Variants in GNAO1 observed in about 807,000 individuals in gnomAD.
GNAO1 encodes G protein subunit alpha o1.
For synonymous variants in GNAO1, 164 were observed against 180.7 expected, an observed-to-expected ratio of 0.91 and a Z score of 0.74; for missense variants, 166 against 478.7, an observed-to-expected ratio of 0.35 and a Z score of 6.10.
chr16:56,300,401 C>T (rs778628309), intron 3 of GNAO1, among the ~76,000 whole-genome samples: 1 of 152,212 alleles, frequency 6.6e-6, no homozygotes, highest in Non-Finnish European at 1.5e-5. Flanking sequence ...TGCAGCTCAC[C>T]ACGGCCAACT....
intron 3 of GNAO1, among the ~76,000 whole-genome samples, chr16:56,316,899 A>T (rs1052797863): frequency 6.6e-6 from 1 of 151,740 alleles, no homozygotes; most frequent in Non-Finnish European, 1.5e-5. Flanking sequence ...GGGAAACTGC[A>T]CCAGCCACTG....
At chr16:56,299,392 C>G (rs1268151735) in intron 3 of GNAO1, among the ~76,000 whole-genome samples, 1 of 152,236 alleles carries the variant, frequency 6.6e-6, no homozygotes, top group Non-Finnish European at 1.5e-5. Context: ...GCGTCTAACT[C>G]TCTCAAATAA....
intron 3 of GNAO1, among the ~76,000 whole-genome samples, chr16:56,293,902 A>T (rs547415563): frequency 6.6e-6 from 1 of 152,252 alleles, no homozygotes; most frequent in Admixed American, 6.5e-5. Flanking sequence ...AACATAGGGT[A>T]TAGGAAGGTT....
At chr16:56,195,345 C>G (rs1157360546) in intron 2 of GNAO1, among the ~76,000 whole-genome samples, 8 of 152,178 alleles carry the variant, frequency 5.3e-5, no homozygotes, top group Non-Finnish European at 1.0e-4. Flanking sequence ...TACATCAGAT[C>G]AGGGCCTTGT....
chr16:56,280,403 A>T (rs2037103163), intron 3 of GNAO1, among the ~76,000 whole-genome samples: 1 of 152,216 alleles, frequency 6.6e-6, no homozygotes, highest in African/African-American at 2.4e-5. Context: ...TCTGAGCAAG[A>T]TGTGGGAAAA....
Position 56,351,579 on chromosome 16 carries a change from G to A in GNAO1, c.877+42G>A. The A allele has an allele frequency of 1.3e-6, 2 of 1,536,940 alleles. No individual in the cohort carries two copies. Among genetic ancestry groups the A allele is most frequent in the East Asian group, 2.2e-5 (1 of 44,476 alleles). ...CCTGTGCAGGGGGAAGCCTGCCCCTGACAGGGACCCATGGCTCAGAGAACA... is the reference window on the plus strand; with the variant it reads ...CCTGTGCAGGGGGAAGCCTGCCCCTAACAGGGACCCATGGCTCAGAGAACA... On this transcript the variant is annotated intron_variant, in intron 7 of 8. Coordinates refer to ENST00000262493, the MANE Select transcript of GNAO1 (RefSeq NM_020988.3). The surrounding 1 kb of genome is among the most constrained non-coding windows in gnomAD (Gnocchi z 6.1).
chr16:56,214,681 C>T (rs1461856001), intron 2 of GNAO1, among the ~76,000 whole-genome samples: 1 of 152,236 alleles, frequency 6.6e-6, no homozygotes, highest in East Asian at 1.9e-4. Context: ...GGGTTCCCAT[C>T]TCTTAGGGAT....
chr16:56,290,832 T>C (rs1371304349), intron 3 of GNAO1, among the ~76,000 whole-genome samples: 1 of 152,116 alleles, frequency 6.6e-6, no homozygotes, highest in African/African-American at 2.4e-5. Flanking sequence ...TGGCAACCAC[T>C]AATCTGCTCT....
chr16:56,233,165 A>G (rs577099214), intron 2 of GNAO1, among the ~76,000 whole-genome samples: 1 of 152,218 alleles, frequency 6.6e-6, no homozygotes, highest in African/African-American at 2.4e-5. Context: ...TTTGAGGATT[A>G]TATGAGATCT....
chr16:56,245,989 C>T (rs2036740582), intron 2 of GNAO1, among the ~76,000 whole-genome samples: 1 of 152,166 alleles, frequency 6.6e-6, no homozygotes, highest in Non-Finnish European at 1.5e-5. Flanking sequence ...GAGCCCACAC[C>T]CATAATTACT....
intron 6 of GNAO1, chr16:56,347,771 C>T (rs2037886077): frequency 2.4e-6 from 2 of 847,642 alleles, no homozygotes; most frequent in African/African-American, 3.8e-5. Context: ...CCCCACCCCT[C>T]CCCTCCCTTT....
intron 4 of GNAO1, among the ~76,000 whole-genome samples, chr16:56,333,774 G>A (rs2037714581): frequency 6.6e-6 from 1 of 152,264 alleles, no homozygotes; most frequent in South Asian, 2.1e-4. Context: ...GATGCAGCCT[G>A]GGACCCCACA....
At chr16:56,309,798 G>GT (rs56004332) in intron 3 of GNAO1, among the ~76,000 whole-genome samples, 55,115 of 152,162 alleles carry the variant, frequency 0.36, 11,537 homozygotes, top group Non-Finnish European at 0.48. Flanking sequence ...AGTGCCTGCT[G>GT]TGCTGGGTGC....
intron 3 of GNAO1, among the ~76,000 whole-genome samples, chr16:56,327,846 TG>T (rs1596867145): frequency 6.6e-6 from 1 of 152,210 alleles, no homozygotes; most frequent in East Asian, 1.9e-4. Flanking sequence ...GCTCATTACC[TG>T]TCCTTTCCCA....
At position 56,192,352 on chromosome 16, in the gene GNAO1, C is replaced by T. The variant is rs747565910; in HGVS notation, c.117C>T (p.Leu39=). ...CCAAAGACGTGAAATTACTCCTGCT[C>T]GGTAAGGACCGCCGCTGCTACCCCC... is the stretch of plus-strand genomic sequence containing the variant. ...SAAKDVKLLL[L]GAGESGKSTI... is the part of the protein sequence containing the mutation. Residue 39 remains leucine, a splice_region_variant and synonymous_variant, in exon 1 of 9, where the codon CTC becomes CTT. Transcript: ENST00000262493. 2.6e-6 allele frequency: 4 copies of T among 1,545,572 alleles called. No individual in the cohort carries two copies. The highest frequency in any genetic ancestry group is 2.3e-5 in the East Asian group (1 of 44,444).
intron 2 of GNAO1, among the ~76,000 whole-genome samples, chr16:56,205,973 G>A (rs2036323803): frequency 6.6e-6 from 1 of 152,088 alleles, no homozygotes; most frequent in Non-Finnish European, 1.5e-5. Context: ...GCAGAAAGAA[G>A]GCCAGTGGAG....
intron 3 of GNAO1, among the ~76,000 whole-genome samples, chr16:56,283,734 TC>T: frequency 6.6e-6 from 1 of 152,202 alleles, no homozygotes. Flanking sequence ...GGCTTCATAC[TC>T]CCATAGCCCA....
chr16:56,340,611 C>T (rs569108518), intron 6 of GNAO1: 9 of 554,634 alleles, frequency 1.6e-5, no homozygotes, highest in South Asian at 6.9e-5. Context: ...CAACCCTGCC[C>T]GGCCCTGCTC....
chr16:56,223,548 A>G (rs561228258), intron 2 of GNAO1, among the ~76,000 whole-genome samples: 32 of 152,306 alleles, frequency 2.1e-4, no homozygotes, highest in South Asian at 4.1e-4. Context: ...GTAAAGTTCC[A>G]GGGATTAGGA....
Sources: gnomAD v4.1 joint callset for allele counts (sites outside exome capture counted in the v4.1 genomes callset) on GRCh38, gnomAD v4.1.1 for gene constraint, Gnocchi (gnomAD v3.1) non-coding constraint, MANE v1.5 for transcripts, NCBI Gene and HGNC (gene_info 2026-07-23, HGNC 2026-07-21) for gene names.